The following PKHD1 variants were observed in gnomAD, a reference collection of about 807,000 sequenced individuals.
The protein encoded by PKHD1 is PKHD1 ciliary IPT domain containing fibrocystin/polyductin.
PKHD1 carries 291 observed loss-of-function variants against 412.0 expected under a neutral mutation model. That is an observed-to-expected ratio of 0.71 (90% CI 0.64 to 0.78). The LOEUF (loss-of-function observed/expected upper bound fraction) is 0.78, where lower values mean the gene tolerates loss of function less well. Among genes scored for constraint, PKHD1 ranks in the 30% least tolerant of loss-of-function variants. The probability of loss-of-function intolerance (pLI) is 0.00; values close to 1 mark genes in which losing one functional copy is unlikely to be tolerated. For missense variants in PKHD1, 4,825 were observed against 4,950.7 expected (o/e 0.97, Z 0.76); for synonymous variants, 1,777 against 1,821.5 (o/e 0.98, Z 0.62).
chr6:51,694,374 T>C (rs976301329), intron 60 of PKHD1, among the ~76,000 whole-genome samples: 50 of 151,888 alleles, frequency 3.3e-4, no homozygotes, highest in Non-Finnish European at 6.5e-4. Context: ...TTTAATTAAT[T>C]CATTAAATTT....
chr6:51,771,104 TCTATCC>T (rs11278144), intron 55 of PKHD1, among the ~76,000 whole-genome samples: 27,836 of 151,808 alleles, frequency 0.18, 3,308 homozygotes, highest in African/African-American at 0.34. Flanking sequence ...ATTGTGTAAA[TCTATCC>T]CTTGAAATAC....
chr6:51,673,594 A>T (rs555776995), intron 60 of PKHD1, among the ~76,000 whole-genome samples: 1 of 152,330 alleles, frequency 6.6e-6, no homozygotes, highest in Admixed American at 6.5e-5. Context: ...AGTTAGGATG[A>T]AGAAGAGAAC....
At chr6:52,027,520 G>A (rs1243690253) in intron 31 of PKHD1, among the ~76,000 whole-genome samples, 4 of 88,818 alleles carry the variant, frequency 4.5e-5, no homozygotes, top group Admixed American at 2.0e-4. Context: ...CAACAAGAGC[G>A]AAACTCCGTC....
At chr6:51,904,764 G>T (rs1029654593) in intron 41 of PKHD1, among the ~76,000 whole-genome samples, 1 of 152,090 alleles carries the variant, frequency 6.6e-6, no homozygotes, top group Admixed American at 6.6e-5. Context: ...TTTCTTCCTT[G>T]CATAGTTAAT....
intron 36 of PKHD1, among the ~76,000 whole-genome samples, chr6:51,935,371 T>C (rs72913670): frequency 0.07 from 10,681 of 152,340 alleles, 510 homozygotes; most frequent in Middle Eastern, 0.11. Context: ...TTAGAATGTT[T>C]ATATTTTACG....
At chr6:51,906,787 C>T (rs1041761271) in intron 40 of PKHD1, among the ~76,000 whole-genome samples, 1 of 152,084 alleles carries the variant, frequency 6.6e-6, no homozygotes, top group Admixed American at 6.6e-5. Flanking sequence ...ATTCTTGGCC[C>T]AAGATAGCCA....
At chr6:51,644,351 G>A (rs930187849) in intron 63 of PKHD1, among the ~76,000 whole-genome samples, 2 of 152,110 alleles carry the variant, frequency 1.3e-5, no homozygotes, top group Admixed American at 1.3e-4. Flanking sequence ...GAAATGGTAG[G>A]CAATGTGCAC....
intron 37 of PKHD1, among the ~76,000 whole-genome samples, chr6:51,912,840 A>G (rs1396816398): frequency 6.6e-6 from 1 of 152,114 alleles, no homozygotes; most frequent in Non-Finnish European, 1.5e-5. Flanking sequence ...AAAAAGCACA[A>G]GAATTGTGGT....
rs2195590 is a variant in PKHD1 at position 52,022,621 on chromosome 6, T to G, written c.5380+180A>C. On this transcript the variant is annotated intron_variant, in intron 33 of 66. Transcript: ENST00000371117. ...ATGACAAAAGTTATGATGAATCATTTTAACAGGTGGCCTCAGATTCTAACT... is the reference window on the plus strand; with the variant it reads ...ATGACAAAAGTTATGATGAATCATTGTAACAGGTGGCCTCAGATTCTAACT... Among the ~76,000 whole-genome samples the G allele has an allele frequency of 0.47, 71,292 of 152,016 alleles. 18,046 individuals are homozygous for G. Among genetic ancestry groups the G allele is most frequent in the Admixed American group, 0.59 (8,960 of 15,272 alleles).
chr6:51,912,276 T>C (rs554393406), intron 38 of PKHD1, 90 bp downstream of exon 38: 3 of 841,584 alleles, frequency 3.6e-6, no homozygotes, highest in East Asian at 2.4e-5. Flanking sequence ...AAATATATCA[T>C]TGAAAGACCC....
chr6:51,703,792 A>G (rs946310611), intron 60 of PKHD1, among the ~76,000 whole-genome samples: 1 of 152,048 alleles, frequency 6.6e-6, no homozygotes, highest in Admixed American at 6.6e-5. Flanking sequence ...TATCAACTAC[A>G]TGATGACTTC....
At chr6:51,962,977 ATAG>A (rs1451468446) in intron 35 of PKHD1, among the ~76,000 whole-genome samples, 1 of 152,104 alleles carries the variant, frequency 6.6e-6, no homozygotes, top group African/African-American at 2.4e-5. Flanking sequence ...TGTCTAGCAC[ATAG>A]TAGTTGCTCA....
chr6:51,923,982 G>A (rs1358692376), intron 37 of PKHD1, among the ~76,000 whole-genome samples: 1 of 152,156 alleles, frequency 6.6e-6, no homozygotes, highest in Admixed American at 6.5e-5. Flanking sequence ...TGAAAGTAAC[G>A]ATCCCAGTCT....
chr6:51,669,525 GT>G lies in PKHD1; in HGVS notation c.10157-9557del, dbSNP rs1424369182. ...CCTGGATTCATTAATTTTTTGAAGG[GT>G]TTTTTGTGTCTCTATTTCCTTCAGT... On this transcript the variant is annotated intron_variant, in intron 60 of 66. Transcript: ENST00000371117. 4.1e-5 allele frequency among the ~76,000 whole-genome samples: 6 copies of G among 145,892 alleles called. No homozygotes were observed. In the South Asian group the frequency reaches 1.1e-3, roughly 28 times the overall value.
chr6:51,922,026 T>G (rs556605835), intron 37 of PKHD1, among the ~76,000 whole-genome samples: 1 of 152,362 alleles, frequency 6.6e-6, no homozygotes, highest in Non-Finnish European at 1.5e-5. Flanking sequence ...TTTTTAGAAT[T>G]TTCAGCTTTT....
At chr6:51,980,524 A>G (rs1334564108) in intron 35 of PKHD1, among the ~76,000 whole-genome samples, 3 of 152,248 alleles carry the variant, frequency 2.0e-5, no homozygotes, top group African/African-American at 7.2e-5. Context: ...GTACTGTGCT[A>G]GACCCTTAGG....
At chr6:51,797,775 T>G (rs1794832729) in intron 52 of PKHD1, among the ~76,000 whole-genome samples, 1 of 152,210 alleles carries the variant, frequency 6.6e-6, no homozygotes, top group Admixed American at 6.5e-5. Context: ...ACTCTATGTC[T>G]TTTAATTGGG....
At chr6:51,946,248 T>C (rs1363654124) in intron 36 of PKHD1, among the ~76,000 whole-genome samples, 1 of 152,170 alleles carries the variant, frequency 6.6e-6, no homozygotes, top group Non-Finnish European at 1.5e-5. Context: ...TAAACAGGAC[T>C]AATTAATTAA....
intron 52 of PKHD1, among the ~76,000 whole-genome samples, chr6:51,817,739 C>T (rs1765704089): frequency 6.6e-6 from 1 of 152,202 alleles, no homozygotes; most frequent in Non-Finnish European, 1.5e-5. Flanking sequence ...AACTTCTACT[C>T]TTCTGGAGCT....
Sources: allele counts gnomAD v4.1 joint callset (sites outside exome capture counted in the v4.1 genomes callset), GRCh38; gene constraint gnomAD v4.1.1; transcripts MANE v1.5; gene names NCBI Gene and HGNC (gene_info 2026-07-23, HGNC 2026-07-21).